Variants in GFOD2 observed in about 807,000 individuals in gnomAD.
The protein encoded by GFOD2 is Gfo/Idh/MocA-like oxidoreductase domain containing 2, also known as glucose-fructose oxidoreductase domain-containing protein 2.
GFOD2 carries 9 observed loss-of-function variants against 24.6 expected under a neutral mutation model. The observed-to-expected ratio is 0.37, with a 90% CI of 0.22 to 0.64. GFOD2 has a LOEUF of 0.64. Among genes scored for constraint, GFOD2 ranks in the 30% least tolerant of loss-of-function variants. The pLI is 0.65. For synonymous variants in GFOD2, 211 were observed against 224.8 expected (o/e 0.94, Z 0.55); for missense variants, 476 against 532.5 (o/e 0.89, Z 1.04).
intron 1 of GFOD2, among the ~76,000 whole-genome samples, chr16:67,690,689 A>T (rs1373610666): frequency 2.6e-5 from 4 of 152,212 alleles, no homozygotes; most frequent in Non-Finnish European, 4.4e-5. Flanking sequence ...CCTGTTTGTT[A>T]TATGTACACT....
intron 2 of GFOD2, chr16:67,683,757 C>A: frequency 4.1e-6 from 5 of 1,227,586 alleles, no homozygotes; most frequent in South Asian, 4.3e-5. Flanking sequence ...AAGTAGCAGA[C>A]CCTGAGGTTT....
chr16:67,716,179 C>T (rs1265619260), intron 1 of GFOD2, among the ~76,000 whole-genome samples: 1 of 152,160 alleles, frequency 6.6e-6, no homozygotes, highest in Non-Finnish European at 1.5e-5. Flanking sequence ...TTCCATTTCT[C>T]CTCTTATGGG....
intron 1 of GFOD2, among the ~76,000 whole-genome samples, chr16:67,699,198 C>T (rs1399375367): frequency 6.6e-6 from 1 of 151,812 alleles, no homozygotes; most frequent in Non-Finnish European, 1.5e-5. Context: ...AAAAATTAGC[C>T]AGACGTGATG....
chr16:67,715,714 C>T (rs1340724396), intron 1 of GFOD2, among the ~76,000 whole-genome samples: 1 of 152,056 alleles, frequency 6.6e-6, no homozygotes, highest in Non-Finnish European at 1.5e-5. Context: ...CATTACTATA[C>T]TGTATATAAG....
rs184615240 is a variant in GFOD2 at position 67,703,372 on chromosome 16, T to C, written c.-88+15791A>G. On this transcript the variant is annotated intron_variant, in intron 1 of 2. Coordinates refer to ENST00000268797, the MANE Select transcript of GFOD2 (RefSeq NM_030819.4). Reference sequence around the variant, plus strand: ...GAGCCGAGATAGCGCCTTTGCACTCTAGCCTGGGCAACAAGAGCAAAACTC... The same window carrying C: ...GAGCCGAGATAGCGCCTTTGCACTCCAGCCTGGGCAACAAGAGCAAAACTC... Among the ~76,000 whole-genome samples, 3 of 152,066 alleles carry C rather than the reference T, an allele frequency of 2.0e-5. No homozygotes were observed. In the East Asian group the frequency reaches 5.8e-4, roughly 29 times the overall value.
intron 2 of GFOD2, chr16:67,681,802 T>C: frequency 1.0e-6 from 1 of 985,274 alleles, no homozygotes; most frequent in Non-Finnish European, 1.2e-6. Context: ...GGGCTAGCTG[T>C]ACAGAGTCTT....
At chr16:67,681,133 A>C in intron 2 of GFOD2, 1 of 985,474 alleles carries the variant, frequency 1.0e-6, no homozygotes, top group South Asian at 4.7e-5. Flanking sequence ...TGGCTGCTGA[A>C]CACATATGGC....
At chr16:67,708,425 A>T (rs1422022885) in intron 1 of GFOD2, among the ~76,000 whole-genome samples, 1 of 152,200 alleles carries the variant, frequency 6.6e-6, no homozygotes, top group Non-Finnish European at 1.5e-5. Context: ...TGCTGAGCGT[A>T]TCTGAAGATG....
chr16:67,707,981 C>G (rs183275360), intron 1 of GFOD2, among the ~76,000 whole-genome samples: 7 of 152,136 alleles, frequency 4.6e-5, no homozygotes, highest in African/African-American at 1.7e-4. Context: ...AGTCAGAAGG[C>G]GGCAGTGGCG....
intron 1 of GFOD2, among the ~76,000 whole-genome samples, chr16:67,709,224 CTT>C (rs1173159348): frequency 6.6e-6 from 1 of 151,594 alleles, no homozygotes. Context: ...GGGAGGATCT[CTT>C]GAGCCCAGTA....
intron 1 of GFOD2, among the ~76,000 whole-genome samples, chr16:67,712,293 CTCCCCCT>C (rs1178786586): frequency 7.0e-5 from 8 of 114,686 alleles, no homozygotes; most frequent in African/African-American, 2.3e-4. Flanking sequence ...CCCCCTCCCC[CTCCCCCT>C]CTCCCTCTCC....
At chr16:67,693,007 G>A (rs368102313) in intron 1 of GFOD2, among the ~76,000 whole-genome samples, 1 of 151,924 alleles carries the variant, frequency 6.6e-6, no homozygotes, top group East Asian at 1.9e-4. Flanking sequence ...TCCAGCCTGG[G>A]CGACAGATTG....
At position 67,676,058 on chromosome 16, in the gene GFOD2, C is replaced by A; in HGVS notation, c.260-5G>T. 1 of 1,578,956 alleles carries A rather than the reference C, an allele frequency of 6.3e-7. No individual in the cohort carries two copies. The highest frequency in any genetic ancestry group is 8.6e-7 in the Non-Finnish European group (1 of 1,159,156). On this transcript the variant is annotated splice_region_variant and splice_polypyrimidine_tract_variant and intron_variant, in intron 2 of 2. Transcript: ENST00000268797. ...AAACCACATTCTTCCCAATACCTAA[C>A]AACAGGACACAACAGGAAATCTCAA...
intron 1 of GFOD2, among the ~76,000 whole-genome samples, chr16:67,712,015 C>A (rs566887991): frequency 8.5e-5 from 13 of 152,246 alleles, no homozygotes; most frequent in Admixed American, 5.9e-4. Flanking sequence ...TCCTTGAAGA[C>A]AACAAATTTT....
intron 1 of GFOD2, among the ~76,000 whole-genome samples, chr16:67,714,682 G>C (rs1051159013): frequency 6.6e-6 from 1 of 152,094 alleles, no homozygotes; most frequent in Non-Finnish European, 1.5e-5. Context: ...GACAATTTGA[G>C]AGTAGCACAG....
At chr16:67,683,151 G>A (rs570903074) in intron 2 of GFOD2, 218 of 933,452 alleles carry the variant, frequency 2.3e-4, no homozygotes, top group Non-Finnish European at 2.6e-4. Flanking sequence ...TTGTAGAGAC[G>A]GGATCCCACT....
intron 2 of GFOD2, chr16:67,684,714 G>C: frequency 3.1e-6 from 3 of 965,688 alleles, no homozygotes; most frequent in Non-Finnish European, 3.7e-6. Context: ...AATAAAAATT[G>C]CTGGCTGAAT....
At chr16:67,688,884 C>T (rs1417017984) in intron 1 of GFOD2, among the ~76,000 whole-genome samples, 1 of 151,236 alleles carries the variant, frequency 6.6e-6, no homozygotes, top group Admixed American at 6.6e-5. Context: ...ACAGACGCCC[C>T]CCCACCATGC....
At position 67,676,017 on chromosome 16, in the gene GFOD2, G is replaced by A. The variant is rs199807726; in HGVS notation, c.296C>T (p.Thr99Ile). Residue 99 changes from threonine to isoleucine, a missense_variant, in exon 3 of 3, where the codon ACA becomes ATA. Physicochemically the swap from Thr to Ile is moderately conservative, Grantham distance 89 (BLOSUM62 -1). Coordinates refer to ENST00000268797, the MANE Select transcript of GFOD2 (RefSeq NM_030819.4). ...GKNVVCEKAA[T>I]SVDAFRMVTA... is the part of the protein sequence containing the mutation. ...CACCATCCGGAAGGCATCCACCGAT[G>A]TTGCTGCCTTCTCGCAAACCACATT... The A allele has an allele frequency of 1.2e-6, 2 of 1,613,558 alleles. No individual in the cohort carries two copies. The highest frequency in any genetic ancestry group is 1.3e-5 in the African/African-American group (1 of 75,058).
Sources: gnomAD v4.1 joint callset for allele counts (sites outside exome capture counted in the v4.1 genomes callset) on GRCh38, gnomAD v4.1.1 for gene constraint, MANE v1.5 for transcripts, NCBI Gene and HGNC (gene_info 2026-07-23, HGNC 2026-07-21) for gene names.